The following STRBP variants were observed in gnomAD, a reference collection of about 807,000 sequenced individuals.
STRBP encodes spermatid perinuclear RNA-binding protein.
STRBP carries 13 observed loss-of-function variants against 80.1 expected under a neutral mutation model. That is an observed-to-expected ratio of 0.16 (90% confidence interval 0.11 to 0.26). The LOEUF (loss-of-function observed/expected upper bound fraction) is 0.26. Ranked by LOEUF, STRBP falls within the 10% of genes least tolerant of loss-of-function variation. The pLI is 1.00. For synonymous variants in STRBP, 284 were observed against 291.2 expected (o/e 0.98, Z 0.25); for missense variants, 485 against 815.2 (o/e 0.59, Z 4.93).
At chr9:123,176,175 T>C (rs2038209694) in intron 4 of STRBP, among the ~76,000 whole-genome samples, 1 of 152,248 alleles carries the variant, frequency 6.6e-6, no homozygotes. Context: ...TTCTATACTT[T>C]CTCATACCTA....
intron 2 of STRBP, among the ~76,000 whole-genome samples, chr9:123,230,347 G>C (rs918284003): frequency 1.3e-5 from 2 of 152,136 alleles, no homozygotes; most frequent in Non-Finnish European, 2.9e-5. Context: ...ACATTGAATT[G>C]TCATTTACAC....
chr9:123,227,210 A>T (rs1171023400), intron 2 of STRBP, among the ~76,000 whole-genome samples: 1 of 152,218 alleles, frequency 6.6e-6, no homozygotes, highest in Non-Finnish European at 1.5e-5. Context: ...CAAAAATTTA[A>T]AAGAGGAGAA....
intron 17 of STRBP, 125 bp from the exon 18 acceptor site, chr9:123,128,383 G>A: frequency 3.9e-6 from 4 of 1,022,974 alleles, no homozygotes; most frequent in Non-Finnish European, 6.0e-6. Flanking sequence ...TTGGATGAAT[G>A]AGAACCACTG....
chr9:123,176,348 T>C (rs1453998564), intron 4 of STRBP, among the ~76,000 whole-genome samples: 1 of 152,218 alleles, frequency 6.6e-6, no homozygotes, highest in East Asian at 1.9e-4. Context: ...TACTTTCACA[T>C]GTTATTCACA....
At chr9:123,206,624 T>C (rs901756206) in intron 2 of STRBP, among the ~76,000 whole-genome samples, 3 of 152,034 alleles carry the variant, frequency 2.0e-5, no homozygotes, top group African/African-American at 7.2e-5. Context: ...AATAAGATTT[T>C]TTTTTCTTTT....
intron 1 of STRBP, among the ~76,000 whole-genome samples, chr9:123,253,728 C>T (rs920229721): frequency 6.6e-6 from 1 of 152,196 alleles, no homozygotes; most frequent in Admixed American, 6.5e-5. Flanking sequence ...GATGTTGCTG[C>T]TGTTTGTAAT....
intron 1 of STRBP, among the ~76,000 whole-genome samples, chr9:123,257,428 A>G (rs935842077): frequency 1.3e-5 from 2 of 151,960 alleles, no homozygotes; most frequent in African/African-American, 4.8e-5. Context: ...ACACACACAC[A>G]CACACACACA....
At chr9:123,209,693 G>C (rs2039641964) in intron 2 of STRBP, among the ~76,000 whole-genome samples, 2 of 152,142 alleles carry the variant, frequency 1.3e-5, no homozygotes, top group Admixed American at 6.5e-5. Flanking sequence ...AGAGAACAGA[G>C]TGCATACATG....
chr9:123,246,096 A>G (rs1421628649), intron 1 of STRBP, among the ~76,000 whole-genome samples: 1 of 152,252 alleles, frequency 6.6e-6, no homozygotes, highest in Non-Finnish European at 1.5e-5. Context: ...TCAAGCCAAA[A>G]GGTTACAATA....
intron 13 of STRBP, among the ~76,000 whole-genome samples, chr9:123,140,451 G>A (rs1294209660): frequency 2.4e-4 from 37 of 152,098 alleles, no homozygotes; most frequent in Admixed American, 2.4e-3. Flanking sequence ...AAAATTAGCT[G>A]GGTGTGGCGG....
intron 2 of STRBP, among the ~76,000 whole-genome samples, chr9:123,187,474 G>GA (rs2038744947): frequency 1.3e-5 from 2 of 151,794 alleles, no homozygotes; most frequent in African/African-American, 2.4e-5. Context: ...ATGGTTTCGG[G>GA]AAAAAAACAC....
chr9:123,142,348 C>T (rs1444739983), intron 13 of STRBP, among the ~76,000 whole-genome samples: 1 of 152,168 alleles, frequency 6.6e-6, no homozygotes. Context: ...CCTGCTTCCC[C>T]TTCCACCATG....
intron 1 of STRBP, among the ~76,000 whole-genome samples, chr9:123,265,917 C>T (rs934364381): frequency 3.9e-5 from 6 of 152,192 alleles, no homozygotes; most frequent in Middle Eastern, 3.2e-3. Context: ...TCCAATTCTG[C>T]CACTTTTAGG....
chr9:123,226,767 G>A (rs1484730569), intron 2 of STRBP, among the ~76,000 whole-genome samples: 1 of 152,122 alleles, frequency 6.6e-6, no homozygotes, highest in Non-Finnish European at 1.5e-5. Context: ...GGGGAGTGAG[G>A]GGGTGGCGGG....
At chr9:123,134,017 T>G (rs1389836171) in intron 16 of STRBP, among the ~76,000 whole-genome samples, 5 of 151,982 alleles carry the variant, frequency 3.3e-5, no homozygotes, top group Admixed American at 3.3e-4. Context: ...TTTGTTTTCC[T>G]TAGAGTAGAA....
At chr9:123,170,137 G>T in intron 5 of STRBP, 91 bp from the exon 6 acceptor site, 1 of 1,269,820 alleles carries the variant, frequency 7.9e-7, no homozygotes, top group Non-Finnish European at 1.1e-6. Flanking sequence ...GTTCTCGAAT[G>T]TTACTATTAA....
In STRBP at chr9:123,245,459, G is replaced by C. The variant is rs1269808330; in HGVS notation, c.-301-8493C>G. Among the ~76,000 whole-genome samples the C allele has an allele frequency of 2.6e-5, 4 of 152,070 alleles. No homozygotes were observed. The South Asian group carries it at 6.2e-4, about 24-fold the overall frequency. On this transcript the variant is annotated intron_variant, in intron 1 of 18. Coordinates refer to ENST00000348403, the MANE Select transcript of STRBP (RefSeq NM_018387.5). ...GGCTGGAGTGCAGTGGCACGATCTC[G>C]GCTCACTGCAAGCTCCGCCTCCCCG...
intron 17 of STRBP, 57 bp from the exon 18 acceptor site, chr9:123,128,315 C>A (rs572341248): frequency 6.2e-7 from 1 of 1,601,642 alleles, no homozygotes; most frequent in Admixed American, 1.7e-5. Context: ...TCATCACTGG[C>A]CCAATTCACA....
chr9:123,137,403 T>G (rs1239150046), intron 14 of STRBP, among the ~76,000 whole-genome samples: 1 of 151,450 alleles, frequency 6.6e-6, no homozygotes, highest in Non-Finnish European at 1.5e-5. Flanking sequence ...ATTTTGTTTT[T>G]TTTGTTTGTT....
Sources: allele counts gnomAD v4.1 joint callset (sites outside exome capture counted in the v4.1 genomes callset), GRCh38; gene constraint gnomAD v4.1.1; transcripts MANE v1.5; gene names NCBI Gene and HGNC (gene_info 2026-07-23, HGNC 2026-07-21).